Variants in SHC4 observed in about 807,000 individuals in gnomAD.
SHC4 encodes SHC adaptor protein 4.
A neutral mutation model predicts 69.4 loss-of-function variants in SHC4; 41 were observed. The ratio of observed to expected loss-of-function variants is 0.59; its 90% CI spans 0.46 to 0.77. The LOEUF (loss-of-function observed/expected upper bound fraction) is 0.77. SHC4 is among the 30% of genes least tolerant of loss of function. The pLI, the probability that SHC4 is intolerant of heterozygous loss-of-function variation, is 0.00. For missense variants in SHC4, 777 were observed against 783.8 expected (o/e 0.99, Z 0.10); for synonymous variants, 318 against 299.3 (o/e 1.06, Z -0.64).
intron 8 of SHC4, among the ~76,000 whole-genome samples, chr15:48,855,413 C>T (rs1899292599): frequency 6.6e-6 from 1 of 151,994 alleles, no homozygotes; most frequent in African/African-American, 2.4e-5. Context: ...CATGTTAACA[C>T]AAAGACAGGG....
chr15:48,884,238 G>C lies in SHC4; in HGVS notation c.840+10C>G, dbSNP rs1294637577. 2 of 1,585,768 alleles carry C rather than the reference G, an allele frequency of 1.3e-6. No homozygotes were observed. The highest frequency in any genetic ancestry group is 1.7e-6 in the Non-Finnish European group (2 of 1,171,358). The stretch of plus-strand genomic sequence containing the variant: ...ATATGTTTATCTATAAATGACATTT[G>C]TGATCTTACCTGTTGGTTGTCAAGA... On this transcript the variant is annotated intron_variant, in intron 4 of 11. Transcript: ENST00000332408.
intron 1 of SHC4, among the ~76,000 whole-genome samples, chr15:48,950,610 A>T (rs1314550499): frequency 6.6e-6 from 1 of 152,172 alleles, no homozygotes; most frequent in Non-Finnish European, 1.5e-5. Context: ...TAGAAACTGC[A>T]GTGGGGATGG....
chr15:48,948,181 C>G (rs1056234819), intron 1 of SHC4: 4 of 152,206 alleles, frequency 2.6e-5, no homozygotes, highest in African/African-American at 9.7e-5. Flanking sequence ...TTTCCCTGAA[C>G]AGAAACCATT....
At chr15:48,928,045 T>G (rs1245553879) in intron 1 of SHC4, among the ~76,000 whole-genome samples, 2 of 152,146 alleles carry the variant, frequency 1.3e-5, no homozygotes, top group Non-Finnish European at 2.9e-5. Flanking sequence ...TCAATTCTAT[T>G]GTACCTTTAC....
At chr15:48,961,004 G>T (rs1215613906) in intron 1 of SHC4, among the ~76,000 whole-genome samples, 1 of 152,070 alleles carries the variant, frequency 6.6e-6, no homozygotes, top group Non-Finnish European at 1.5e-5. Context: ...GTTATATTAT[G>T]ATTTGAAATG....
At chr15:48,900,640 T>A (rs1031742820) in intron 2 of SHC4, among the ~76,000 whole-genome samples, 7 of 152,126 alleles carry the variant, frequency 4.6e-5, no homozygotes, top group African/African-American at 1.7e-4. Context: ...CTCTCTCTTA[T>A]CTGGAGGCAG....
In SHC4 at chr15:48,963,202, C is replaced by A; in HGVS notation, c.-187G>T. 1 of 596,536 alleles carries A rather than the reference C, an allele frequency of 1.7e-6. No individual in the cohort carries two copies. The highest frequency in any genetic ancestry group is 2.9e-6 in the Non-Finnish European group (1 of 344,954). The allele number at this position is 596,536 out of a possible 1,614,324, so 37.0% of individuals were successfully genotyped here. A position where few individuals can be genotyped will look rare whatever the true frequency, so the allele number is the denominator to read the frequency against. Reference sequence around the variant, plus strand: ...AGGGTGACAGCCCATGGGGGAAACGCCTCCCCTGCTCTGATTTCAGTCTCT... The same window carrying A: ...AGGGTGACAGCCCATGGGGGAAACGACTCCCCTGCTCTGATTTCAGTCTCT... On this transcript the variant is annotated 5_prime_UTR_variant, in exon 1 of 12. Transcript: ENST00000332408.
At chr15:48,898,275 A>C (rs1900259508) in intron 2 of SHC4, among the ~76,000 whole-genome samples, 1 of 152,248 alleles carries the variant, frequency 6.6e-6, no homozygotes, top group Non-Finnish European at 1.5e-5. Context: ...CGATAAGCAC[A>C]CAATGAACGC....
chr15:48,962,476 G>C lies in SHC4; in HGVS notation c.540C>G (p.His180Gln), dbSNP rs886725595. Residue 180 changes from histidine to glutamine, a missense_variant, in exon 1 of 12, where the codon CAC becomes CAG. Transcript: ENST00000332408. ...CCATCCCCAACAGGTGCTGTAGAAAGTGCCTGTCCTGCCTGCTCCTAAGTG... is the reference window on the plus strand; with the variant it reads ...CCATCCCCAACAGGTGCTGTAGAAACTGCCTGTCCTGCCTGCTCCTAAGTG... ...EPTLRSRQDR[H>Q]FLQHLLGMGM... 1.1e-5 allele frequency: 17 copies of C among 1,536,702 alleles called. No individual in the cohort carries two copies. The highest frequency in any genetic ancestry group is 1.5e-5 in the Non-Finnish European group (17 of 1,143,896).
rs761086164 is a variant in SHC4, at chr15:48,962,952, G to A, written c.64C>T (p.Pro22Ser). ...TACTTGGCCCTGTGCAGCATCCCGGGGTGCCCGAAGAGTCCTACATACAGC... is the reference window on the plus strand; with the variant it reads ...TACTTGGCCCTGTGCAGCATCCCGGAGTGCCCGAAGAGTCCTACATACAGC... ...LVLYVGLFGH[P>S]GMLHRAKYSR... Residue 22 changes from proline to serine, a missense_variant, in exon 1 of 12, where the codon CCC becomes TCC. Transcript: ENST00000332408. 6.2e-7 allele frequency: 1 copy of A among 1,613,044 alleles called. No individual in the cohort carries two copies. Among genetic ancestry groups the A allele is most frequent in the African/African-American group, 1.3e-5 (1 of 74,952 alleles).
At chr15:48,957,884 A>G (rs1901480491) in intron 1 of SHC4, among the ~76,000 whole-genome samples, 1 of 152,254 alleles carries the variant, frequency 6.6e-6, no homozygotes, top group South Asian at 2.1e-4. Flanking sequence ...GAGAGAATGC[A>G]TGTGAAGACA....
At chr15:48,848,498 T>C (rs1441601056) in intron 9 of SHC4, among the ~76,000 whole-genome samples, 1 of 152,164 alleles carries the variant, frequency 6.6e-6, no homozygotes, top group Non-Finnish European at 1.5e-5. Context: ...TAAGCTTCAA[T>C]ATAGGCAAAC....
At position 48,962,870 on chromosome 15, in the gene SHC4, G is replaced by A. The variant is rs1901569651; in HGVS notation, c.146C>T (p.Ser49Leu). 2 of 1,613,176 alleles carry A rather than the reference G, an allele frequency of 1.2e-6. No homozygotes were observed. Among genetic ancestry groups the A allele is most frequent in the Admixed American group, 1.7e-5 (1 of 60,000 alleles). The change falls in exon 1 of 12, where the codon TCG becomes TTG. Residue 49 changes from serine to leucine, a missense_variant. Transcript: ENST00000332408. ...TSLDEGSSGG[S>L]VGNKGSPQPP... The stretch of plus-strand genomic sequence containing the variant: ...CTGCGGCGAGCCCTTGTTCCCGACC[G>A]AGCCTCCGGAGCTACCTTCGTCCAA...
intron 9 of SHC4, among the ~76,000 whole-genome samples, chr15:48,845,772 T>TAGCATCC (rs1481011936): frequency 6.6e-6 from 1 of 152,226 alleles, no homozygotes; most frequent in Non-Finnish European, 1.5e-5. Context: ...TATCTAATGA[T>TAGCATCC]AGCATCCAGC....
At chr15:48,909,301 T>TG (rs200620803) in intron 2 of SHC4, among the ~76,000 whole-genome samples, 2 of 151,406 alleles carry the variant, frequency 1.3e-5, no homozygotes, top group Non-Finnish European at 2.9e-5. Flanking sequence ...TTTTTTTTTT[T>TG]GCACTATTGT....
intron 1 of SHC4, among the ~76,000 whole-genome samples, chr15:48,938,897 G>A (rs901676100): frequency 6.6e-6 from 1 of 152,198 alleles, no homozygotes; most frequent in Non-Finnish European, 1.5e-5. Context: ...GCCTGGGTTT[G>A]AATCTCAGCT....
chr15:48,958,617 C>G (rs946915366), intron 1 of SHC4, among the ~76,000 whole-genome samples: 10 of 152,198 alleles, frequency 6.6e-5, no homozygotes, highest in Non-Finnish European at 1.0e-4. Context: ...AGGAACCCTA[C>G]ATTCATTAAA....
chr15:48,836,023 CAAAAA>C (rs57343981), intron 10 of SHC4, among the ~76,000 whole-genome samples: 4 of 60,140 alleles, frequency 6.7e-5, no homozygotes, highest in African/African-American at 2.2e-4. Context: ...ACAAAAAATC[CAAAAA>C]AAAAAAAAAA....
chr15:48,849,259 C>T (rs1899159195), intron 9 of SHC4, among the ~76,000 whole-genome samples: 1 of 152,092 alleles, frequency 6.6e-6, no homozygotes, highest in Non-Finnish European at 1.5e-5. Flanking sequence ...CCCTATGTCC[C>T]TTTCCTACTT....
Sources: allele counts gnomAD v4.1 joint callset (sites outside exome capture counted in the v4.1 genomes callset), GRCh38; gene constraint gnomAD v4.1.1; transcripts MANE v1.5; gene names NCBI Gene and HGNC (gene_info 2026-07-23, HGNC 2026-07-21).